The following GRB10 variants were observed in gnomAD, a reference collection of about 807,000 sequenced individuals.
The protein encoded by GRB10 is growth factor receptor-bound protein 10.
A neutral mutation model predicts 80.9 loss-of-function variants in GRB10; 20 were observed. The observed-to-expected ratio is 0.25, with a 90% CI of 0.17 to 0.36. The LOEUF is 0.36. Among genes scored for constraint, GRB10 ranks in the 10% least tolerant of loss-of-function variants. The pLI, the probability that GRB10 is intolerant of heterozygous loss-of-function variation, is 1.00. For synonymous variants in GRB10, 291 were observed against 291.5 expected (o/e 1.00, Z 0.02); for missense variants, 548 against 747.7 (o/e 0.73, Z 3.12).
At chr7:50,640,327 G>C (rs1455096411) in intron 7 of GRB10, among the ~76,000 whole-genome samples, 4 of 152,204 alleles carry the variant, frequency 2.6e-5, no homozygotes, top group Non-Finnish European at 5.9e-5. Flanking sequence ...TCATGACAGA[G>C]GCAGGTCCAG....
chr7:50,669,958 G>A (rs1586663448), intron 6 of GRB10, 95 bp from the exon 7 acceptor site: 2 of 1,455,888 alleles, frequency 1.4e-6, no homozygotes, highest in Non-Finnish European at 9.4e-7. Flanking sequence ...CAGGACACAG[G>A]GCTTCTAGGA....
intron 4 of GRB10, among the ~76,000 whole-genome samples, chr7:50,721,994 G>A (rs1225844566): frequency 6.6e-6 from 1 of 152,206 alleles, no homozygotes; most frequent in African/African-American, 2.4e-5. Context: ...TATTACTGGT[G>A]GCAAAGGAGA....
chr7:50,773,856 T>C (rs1002987446), intron 2 of GRB10, among the ~76,000 whole-genome samples: 2 of 152,090 alleles, frequency 1.3e-5, no homozygotes, highest in Non-Finnish European at 2.9e-5. Flanking sequence ...TATTTGTTTG[T>C]TTATTTATTT....
chr7:50,630,751 T>C (rs1454313507), intron 7 of GRB10, among the ~76,000 whole-genome samples: 2 of 152,242 alleles, frequency 1.3e-5, no homozygotes, highest in African/African-American at 2.4e-5. Flanking sequence ...GGCATAATTA[T>C]GTCAACAGCA....
chr7:50,676,699 C>A (rs2060991466), intron 5 of GRB10, among the ~76,000 whole-genome samples: 1 of 152,104 alleles, frequency 6.6e-6, no homozygotes, highest in Admixed American at 6.6e-5. Context: ...CAAGACAAGA[C>A]ATAAGGAAAC....
At chr7:50,758,384 C>G (rs1271745118) in intron 2 of GRB10, among the ~76,000 whole-genome samples, 1 of 152,200 alleles carries the variant, frequency 6.6e-6, no homozygotes, top group East Asian at 1.9e-4. Context: ...AACTTGAGAT[C>G]TTAAAGAATA....
At chr7:50,731,457 T>C (rs1240210713) in intron 4 of GRB10, among the ~76,000 whole-genome samples, 2 of 152,002 alleles carry the variant, frequency 1.3e-5, no homozygotes, top group African/African-American at 2.4e-5. Flanking sequence ...CCTGAACATA[T>C]AAAAGGACTT....
In GRB10 at chr7:50,590,531, T is replaced by A. The variant is rs1249471852; in HGVS notation, c.*2421A>T. On this transcript the variant is annotated 3_prime_UTR_variant, in exon 19 of 19. Transcript: ENST00000401949. The stretch of plus-strand genomic sequence containing the variant: ...TTTGGCGTTTTCCTTCTCAACTTCG[T>A]CCTGGTTGCTACATGGAGTTTCATT... The A allele has an allele frequency of 6.6e-6, 1 of 152,656 alleles. No homozygotes were observed. The highest frequency in any genetic ancestry group is 2.4e-5 in the African/African-American group (1 of 41,454). The allele number at this position is 152,656 out of a possible 1,614,324, so 9.5% of individuals were successfully genotyped here. A position where few individuals can be genotyped will look rare whatever the true frequency, so the allele number is the denominator to read the frequency against.
chr7:50,680,617 G>A (rs2237480), intron 5 of GRB10, among the ~76,000 whole-genome samples: 65,701 of 152,010 alleles, frequency 0.43, 15,874 homozygotes, highest in Non-Finnish European at 0.54. Flanking sequence ...GGGCAGAATC[G>A]CCATCCAAAG....
intron 5 of GRB10, among the ~76,000 whole-genome samples, chr7:50,690,795 T>C (rs1171910494): frequency 6.6e-6 from 1 of 152,260 alleles, no homozygotes; most frequent in African/African-American, 2.4e-5. Context: ...GCAAGCATCC[T>C]GACAGCTAAA....
chr7:50,738,431 T>C (rs115489029), intron 3 of GRB10, among the ~76,000 whole-genome samples: 6,304 of 152,280 alleles, frequency 0.041, 441 homozygotes, highest in African/African-American at 0.14. Flanking sequence ...AAACAAAATG[T>C]GGTATATACA....
rs748641337 is a variant in GRB10, at chr7:50,614,889, A to G, written c.985-9T>C. ...TGCAGGTGTCTGGGTTCCTGTGACA[A>G]CACTGGCCAGGTTAAAGTCTCAAGC... On this transcript the variant is annotated splice_polypyrimidine_tract_variant and intron_variant, in intron 11 of 18. Transcript: ENST00000401949. 6.3e-7 allele frequency: 1 copy of G among 1,579,840 alleles called. No individual in the cohort carries two copies. Among genetic ancestry groups the G allele is most frequent in the East Asian group, 2.2e-5 (1 of 44,698 alleles).
At chr7:50,602,379 A>G (rs2047763438) in intron 17 of GRB10, among the ~76,000 whole-genome samples, 2 of 152,182 alleles carry the variant, frequency 1.3e-5, no homozygotes, top group Non-Finnish European at 2.9e-5. Flanking sequence ...ACTAAACAGC[A>G]ACCAGGCTTC....
intron 3 of GRB10, among the ~76,000 whole-genome samples, chr7:50,750,532 G>A (rs2073943125): frequency 6.6e-6 from 1 of 152,182 alleles, no homozygotes; most frequent in African/African-American, 2.4e-5. Flanking sequence ...CACACGTTGA[G>A]CCTGCCGAGA....
intron 4 of GRB10, among the ~76,000 whole-genome samples, chr7:50,715,657 C>G (rs943211483): frequency 3.9e-5 from 6 of 152,200 alleles, no homozygotes; most frequent in Non-Finnish European, 1.5e-5. Context: ...CATATGACGT[C>G]TAAACTTCTT....
intron 7 of GRB10, among the ~76,000 whole-genome samples, chr7:50,628,756 T>G (rs1242112252): frequency 6.6e-6 from 1 of 152,210 alleles, no homozygotes; most frequent in Non-Finnish European, 1.5e-5. Context: ...TGGGGCTGGA[T>G]CAGGACCCAG....
At chr7:50,626,703 C>T in intron 8 of GRB10, 119 bp downstream of exon 8, 3 of 1,131,768 alleles carry the variant, frequency 2.7e-6, no homozygotes, top group Middle Eastern at 2.8e-4. Context: ...AACCCAGAGA[C>T]TGCCTGCTAA....
At chr7:50,674,915 C>G (rs2060754809) in intron 5 of GRB10, among the ~76,000 whole-genome samples, 1 of 152,152 alleles carries the variant, frequency 6.6e-6, no homozygotes, top group Non-Finnish European at 1.5e-5. Context: ...AGGGAGAAGC[C>G]ATTCAGAGCA....
chr7:50,783,183 TCCA>T (rs1026909275), upstream of GRB10, among the ~76,000 whole-genome samples: 19 of 152,238 alleles, frequency 1.2e-4, no homozygotes, highest in African/African-American at 4.3e-4. Flanking sequence ...CGAGCAACCT[TCCA>T]CCTGCAGGGC....
Sources: gnomAD v4.1 joint callset for allele counts (sites outside exome capture counted in the v4.1 genomes callset) on GRCh38, gnomAD v4.1.1 for gene constraint, MANE v1.5 for transcripts, NCBI Gene and HGNC (gene_info 2026-07-23, HGNC 2026-07-21) for gene names.